WWOX: variants seen among roughly 807,000 people sequenced by gnomAD.
WWOX encodes WW domain containing oxidoreductase.
Under a neutral mutation model 46.2 loss-of-function variants are expected in WWOX, and 69 were observed. The ratio of observed to expected loss-of-function variants is 1.49; its 90% CI spans 1.23 to 1.82. The LOEUF (loss-of-function observed/expected upper bound fraction) is 1.82. Ranked by LOEUF, WWOX falls within the 40% of genes most tolerant of loss-of-function variation. The pLI is 0.00. For missense variants in WWOX, 919 were observed against 542.6 expected, an observed-to-expected ratio of 1.69 and a Z score of -6.89; for synonymous variants, 359 against 202.6, an observed-to-expected ratio of 1.77 and a Z score of -6.56.
intron 5 of WWOX, among the ~76,000 whole-genome samples, chr16:78,238,520 A>T (rs1044535041): frequency 6.6e-6 from 1 of 152,048 alleles, no homozygotes; most frequent in Non-Finnish European, 1.5e-5. Context: ...CAGGCTGAAT[A>T]ATCATATTTT....
At chr16:79,031,256 C>T (rs762243715) in intron 8 of WWOX, among the ~76,000 whole-genome samples, 3 of 152,124 alleles carry the variant, frequency 2.0e-5, no homozygotes, top group Admixed American at 1.3e-4. Context: ...GCAGAGCCCA[C>T]GTGTGGGGTG....
intron 8 of WWOX, among the ~76,000 whole-genome samples, chr16:78,885,260 C>T (rs548674058): frequency 1.3e-4 from 19 of 142,584 alleles, no homozygotes; most frequent in Admixed American, 1.1e-3. Context: ...AAAAAAAATA[C>T]TCTTGCCTTC....
intron 8 of WWOX, among the ~76,000 whole-genome samples, chr16:78,563,060 A>C (rs546209177): frequency 6.6e-6 from 1 of 152,180 alleles, no homozygotes; most frequent in South Asian, 2.1e-4. Flanking sequence ...AGCTAAATAT[A>C]ATGTATCTGA....
chr16:79,019,302 C>G (rs567372086), intron 8 of WWOX, among the ~76,000 whole-genome samples: 7 of 151,176 alleles, frequency 4.6e-5, no homozygotes, highest in South Asian at 2.1e-4. Flanking sequence ...ATGGAGTGCA[C>G]GTACACAAAC....
chr16:78,599,308 A>G (rs748719589), intron 8 of WWOX, among the ~76,000 whole-genome samples: 5 of 152,204 alleles, frequency 3.3e-5, no homozygotes, highest in Non-Finnish European at 5.9e-5. Context: ...CTTTAAATTA[A>G]TTAATCAATC....
At chr16:78,774,536 G>GCC (rs2050143149) in intron 8 of WWOX, among the ~76,000 whole-genome samples, 2 of 150,258 alleles carry the variant, frequency 1.3e-5, no homozygotes, top group South Asian at 4.2e-4. Flanking sequence ...GTGTGTGCGC[G>GCC]TGCGCACACG....
chr16:78,590,983 G>A (rs1015126985), intron 8 of WWOX, among the ~76,000 whole-genome samples: 1 of 152,086 alleles, frequency 6.6e-6, no homozygotes. Flanking sequence ...GAGATGCTCT[G>A]GGGTACACGT....
At chr16:78,879,474 A>G (rs1449803198) in intron 8 of WWOX, among the ~76,000 whole-genome samples, 1 of 152,030 alleles carries the variant, frequency 6.6e-6, no homozygotes, top group Admixed American at 6.6e-5. Context: ...CAAACATGTA[A>G]TACCACCCTG....
In WWOX at chr16:78,341,657, A is replaced by G. The variant is rs1296794567; in HGVS notation, c.517-45203A>G. ...GGGATAGGTGGGCAACATGCAGGAG[A>G]AACCTCCTGGGAAAGGTGAGCAAGA... On this transcript the variant is annotated intron_variant, in intron 5 of 8. Transcript: ENST00000566780. Among the ~76,000 whole-genome samples, 2 of 119,416 alleles carry G rather than the reference A, an allele frequency of 1.7e-5. 1 individual carries two copies. Among genetic ancestry groups the G allele is most frequent in the African/African-American group, 5.7e-5 (2 of 35,206 alleles). The allele number at this position is 119,416 out of a possible 152,430, so 78.3% of individuals were successfully genotyped here.
intron 4 of WWOX, among the ~76,000 whole-genome samples, chr16:78,140,083 G>A (rs555678882): frequency 1.3e-4 from 20 of 152,300 alleles, no homozygotes; most frequent in South Asian, 1.2e-3. Flanking sequence ...GGAAATGGGG[G>A]GATCCATATT....
At chr16:79,128,183 C>G (rs1278246431) in intron 8 of WWOX, among the ~76,000 whole-genome samples, 1 of 152,052 alleles carries the variant, frequency 6.6e-6, no homozygotes, top group Non-Finnish European at 1.5e-5. Context: ...AGATAAAACG[C>G]CCTGCCAGAA....
chr16:78,550,805 T>C (rs1434290651), intron 8 of WWOX: 1 of 151,880 alleles, frequency 6.6e-6, no homozygotes, highest in East Asian at 1.9e-4. Context: ...GTCAGGAGTG[T>C]GGAATGAAGA....
chr16:79,120,960 G>T (rs933010424), intron 8 of WWOX, among the ~76,000 whole-genome samples: 1 of 152,106 alleles, frequency 6.6e-6, no homozygotes, highest in Non-Finnish European at 1.5e-5. Flanking sequence ...GTAGAGACGA[G>T]GTTTCACCAT....
intron 8 of WWOX, among the ~76,000 whole-genome samples, chr16:78,942,384 C>G (rs1258277677): frequency 1.3e-5 from 2 of 152,118 alleles, no homozygotes; most frequent in African/African-American, 4.8e-5. Context: ...ATTTGATACT[C>G]TCTTTTGCAC....
At chr16:78,721,500 G>A (rs2048689044) in intron 8 of WWOX, among the ~76,000 whole-genome samples, 1 of 152,198 alleles carries the variant, frequency 6.6e-6, no homozygotes, top group African/African-American at 2.4e-5. Flanking sequence ...TCTATTGCTG[G>A]TGGCGGGGTT....
chr16:78,344,802 T>G (rs1478581336), intron 5 of WWOX, among the ~76,000 whole-genome samples: 1 of 121,788 alleles, frequency 8.2e-6, no homozygotes, highest in Non-Finnish European at 2.0e-5. Flanking sequence ...TTATTTAAAA[T>G]AGAGAAAAGT....
At chr16:78,740,287 C>G (rs1335970170) in intron 8 of WWOX, among the ~76,000 whole-genome samples, 4 of 152,196 alleles carry the variant, frequency 2.6e-5, no homozygotes, top group Non-Finnish European at 5.9e-5. Flanking sequence ...CTGCACTGTC[C>G]TCTGTGCTTC....
At chr16:78,517,475 A>C (rs2043259877) in intron 8 of WWOX, among the ~76,000 whole-genome samples, 1 of 152,206 alleles carries the variant, frequency 6.6e-6, no homozygotes, top group Admixed American at 6.5e-5. Flanking sequence ...ATATGTATTT[A>C]TGGCTGTGTG....
chr16:79,126,757 GAAATTTAGACTCCAGCCTACAT>G (rs1415744206), intron 8 of WWOX, among the ~76,000 whole-genome samples: 1 of 152,142 alleles, frequency 6.6e-6, no homozygotes, highest in Non-Finnish European at 1.5e-5. Flanking sequence ...GTTAGACTAA[GAAATTTAGACTCCAGCCTACAT>G]AAATTTAGAC....
Sources: allele counts gnomAD v4.1 joint callset (sites outside exome capture counted in the v4.1 genomes callset), GRCh38; gene constraint gnomAD v4.1.1; transcripts MANE v1.5; gene names NCBI Gene and HGNC (gene_info 2026-07-23, HGNC 2026-07-21).